The following LAMC3 variants were observed in gnomAD, a reference collection of about 807,000 sequenced individuals.
LAMC3 encodes laminin subunit gamma 3.
LAMC3 carries 128 observed loss-of-function variants against 173.8 expected under a neutral mutation model. The ratio of observed to expected loss-of-function variants is 0.74; its 90% CI spans 0.64 to 0.85. The LOEUF (loss-of-function observed/expected upper bound fraction) is 0.85. LAMC3 is among the 40% of genes least tolerant of loss of function. The pLI is 0.00. For missense variants in LAMC3, 2,022 were observed against 2,156.0 expected (o/e 0.94, Z 1.23); for synonymous variants, 897 against 909.1 (o/e 0.99, Z 0.24).
intron 3 of LAMC3, among the ~76,000 whole-genome samples, chr9:131,033,329 C>A (rs1833881271): frequency 6.6e-6 from 1 of 152,162 alleles, no homozygotes; most frequent in Admixed American, 6.5e-5. Flanking sequence ...GGATGGCAGA[C>A]ATTGATCAGA....
intron 4 of LAMC3, among the ~76,000 whole-genome samples, chr9:131,037,284 C>T (rs1343564846): frequency 1.3e-5 from 2 of 152,238 alleles, no homozygotes; most frequent in Non-Finnish European, 2.9e-5. Flanking sequence ...TCTCAGTCAG[C>T]AGCCTGGGAG....
intron 9 of LAMC3, among the ~76,000 whole-genome samples, chr9:131,049,448 C>T (rs767049875): frequency 1.4e-4 from 21 of 152,152 alleles, no homozygotes; most frequent in Non-Finnish European, 2.8e-4. Context: ...ACTCCCCTGC[C>T]TCCCTCTTGT....
chr9:131,030,187 G>C (rs989715207), intron 2 of LAMC3, among the ~76,000 whole-genome samples: 2 of 152,086 alleles, frequency 1.3e-5, no homozygotes, highest in Non-Finnish European at 2.9e-5. Flanking sequence ...GGATCTGCCC[G>C]CCTTGGCCTC....
intron 20 of LAMC3, 152 bp downstream of exon 20, chr9:131,073,473 C>A: frequency 1.4e-6 from 1 of 699,978 alleles, no homozygotes; most frequent in Non-Finnish European, 2.6e-6. Flanking sequence ...TGGGGAGGGG[C>A]AGGCAAGGTG....
intron 4 of LAMC3, among the ~76,000 whole-genome samples, chr9:131,036,717 C>A (rs1204711490): frequency 6.6e-6 from 1 of 152,236 alleles, no homozygotes; most frequent in Admixed American, 6.5e-5. Context: ...GGCCCCCAGG[C>A]AGCCCTTTGG....
intron 2 of LAMC3, among the ~76,000 whole-genome samples, chr9:131,030,813 T>C (rs1192237128): frequency 6.6e-6 from 1 of 152,214 alleles, no homozygotes; most frequent in Non-Finnish European, 1.5e-5. Flanking sequence ...CTCAGCTCCT[T>C]GTCCAGTAGC....
chr9:131,063,910 A>C lies in LAMC3; in HGVS notation c.2347+2687A>C, dbSNP rs145869737. Among the ~76,000 whole-genome samples the C allele has an allele frequency of 5.2e-3, 793 of 151,962 alleles. 10 individuals carry two copies. The highest frequency in any genetic ancestry group is 0.018 in the African/African-American group (732 of 41,442). ...TTTCAGGGTTGCCCTTAGCACTATT[A>C]ACTTTTTTTTCTCTGGAAACAGAGT... is the stretch of plus-strand genomic sequence containing the variant. On this transcript the variant is annotated intron_variant, in intron 13 of 27. Coordinates refer to ENST00000361069, the MANE Select transcript of LAMC3 (RefSeq NM_006059.4).
chr9:131,013,630 C>G (rs1166358671), intron 1 of LAMC3, among the ~76,000 whole-genome samples: 1 of 152,192 alleles, frequency 6.6e-6, no homozygotes, highest in African/African-American at 2.4e-5. Context: ...GATGTATGCT[C>G]AGAACATGCA....
intron 11 of LAMC3, among the ~76,000 whole-genome samples, chr9:131,054,824 G>A (rs1352613399): frequency 1.0e-5 from 1 of 95,836 alleles, no homozygotes; most frequent in African/African-American, 6.0e-5. Context: ...GAGAAAGAAA[G>A]AAGAAGGGAG....
intron 27 of LAMC3, 144 bp downstream of exon 27, chr9:131,087,961 CA>C: frequency 1.3e-6 from 1 of 756,564 alleles, no homozygotes; most frequent in East Asian, 2.7e-5. Context: ...TGGTCAATCA[CA>C]AGCATTTATA....
At chr9:131,077,719 A>T (rs1405088492) in intron 22 of LAMC3, among the ~76,000 whole-genome samples, 2 of 143,830 alleles carry the variant, frequency 1.4e-5, no homozygotes, top group African/African-American at 5.1e-5. Context: ...AAAAACTATT[A>T]TAGCAGCTGG....
In LAMC3 at chr9:131,069,051, G is replaced by A. The variant is rs1285969385; in HGVS notation, c.2890+1G>A. On this transcript the variant is annotated splice_donor_variant, in intron 16 of 27. Coordinates refer to ENST00000361069, the MANE Select transcript of LAMC3 (RefSeq NM_006059.4). LOFTEE classifies it high-confidence loss of function. ...GGCTTCTCCATCAAGGGCTGCCGGG[G>A]TAAGGAGGCTGGGTCCTTCCCGGGC... 4 of 1,613,360 alleles carry A rather than the reference G, an allele frequency of 2.5e-6. No homozygotes were observed. The highest frequency in any genetic ancestry group is 3.4e-6 in the Non-Finnish European group (4 of 1,179,934).
chr9:131,051,365 CTTT>C (rs58477043), intron 9 of LAMC3, among the ~76,000 whole-genome samples: 4 of 126,822 alleles, frequency 3.2e-5, no homozygotes, highest in Non-Finnish European at 3.2e-5. Flanking sequence ...TTTTACCATT[CTTT>C]TTTTTTTTTT....
At position 131,068,898 on chromosome 9, in the gene LAMC3, C is replaced by T. The variant is rs756136623; in HGVS notation, c.2748-10C>T. On this transcript the variant is annotated splice_polypyrimidine_tract_variant and intron_variant, in intron 15 of 27. Transcript: ENST00000361069. Reference sequence around the variant, plus strand: ...GCTTGCCTCAGACCCAGTTCCTTCCCTGATCACAGCTGCAAGTGTCACCCA... The same window carrying T: ...GCTTGCCTCAGACCCAGTTCCTTCCTTGATCACAGCTGCAAGTGTCACCCA... The T allele has an allele frequency of 1.9e-6, 3 of 1,613,904 alleles. No individual in the cohort carries two copies. The highest frequency in any genetic ancestry group is 2.5e-6 in the Non-Finnish European group (3 of 1,179,986).
At chr9:131,066,135 C>T (rs1829927641) in intron 13 of LAMC3, among the ~76,000 whole-genome samples, 1 of 151,914 alleles carries the variant, frequency 6.6e-6, no homozygotes, top group Non-Finnish European at 1.5e-5. Flanking sequence ...GCAGAGGTTG[C>T]AGTGAGCCGA....
At chr9:131,032,231 G>A (rs946821828) in intron 3 of LAMC3, 56 bp downstream of exon 3, 20 of 609,706 alleles carry the variant, frequency 3.3e-5, no homozygotes, top group Non-Finnish European at 4.7e-5. Flanking sequence ...ACCCGAGAGC[G>A]GAAGGTGGCT....
intron 11 of LAMC3, among the ~76,000 whole-genome samples, chr9:131,053,868 G>A (rs941253955): frequency 6.6e-6 from 1 of 152,034 alleles, no homozygotes; most frequent in South Asian, 2.1e-4. Context: ...AAAACAGTCT[G>A]GTGGGGTGGT....
chr9:131,052,951 GC>G lies in LAMC3; in HGVS notation c.1929del (p.Ser644AlafsTer8), dbSNP rs1198107743. The G allele has an allele frequency of 1.9e-6, 3 of 1,612,556 alleles. No individual in the cohort carries two copies. Among genetic ancestry groups the G allele is most frequent in the Non-Finnish European group, 2.5e-6 (3 of 1,179,476 alleles). On this transcript the variant is annotated frameshift_variant, in exon 11 of 28. Transcript: ENST00000361069. LOFTEE classifies it high-confidence loss of function. The part of the protein sequence containing the change: ...LTSLRLRVSP[G>X]PSPAGPVFLT... Reference sequence around the variant, plus strand: ...AGCCTCCGCCTCCGCGTCAGTCCCGGCCCCAGCCCTGCCGGTCAGTAAAGAC... The same window carrying G: ...AGCCTCCGCCTCCGCGTCAGTCCCGGCCCAGCCCTGCCGGTCAGTAAAGAC...
Position 131,091,960 on chromosome 9 carries a change from C to A in LAMC3, c.*173C>A. The A allele has an allele frequency of 2.6e-6, 2 of 771,924 alleles. No individual in the cohort carries two copies. Among genetic ancestry groups the A allele is most frequent in the Non-Finnish European group, 4.2e-6 (2 of 478,480 alleles). 47.8% of individuals were successfully genotyped at this position (771,924 alleles called of 1,614,324 possible). A position where few individuals can be genotyped will look rare whatever the true frequency, so the allele number is the denominator to read the frequency against. ...GATTCTGTCTGTGGCTTCTTCCCTG[C>A]CAGCAGGACTGAGTGTGCGTACCCA... On this transcript the variant is annotated 3_prime_UTR_variant, in exon 28 of 28. Transcript: ENST00000361069.
Sources: allele counts gnomAD v4.1 joint callset (sites outside exome capture counted in the v4.1 genomes callset), GRCh38; gene constraint gnomAD v4.1.1; transcripts MANE v1.5; gene names NCBI Gene and HGNC (gene_info 2026-07-23, HGNC 2026-07-21).